BAIAP2L1: variants seen among roughly 807,000 people sequenced by gnomAD.
BAIAP2L1 encodes BAR/IMD domain containing adaptor protein 2 like 1.
Under a neutral mutation model 66.3 loss-of-function variants are expected in BAIAP2L1, and 35 were observed. That is an observed-to-expected ratio of 0.53 (90% CI 0.40 to 0.70). The LOEUF is 0.70. BAIAP2L1 is among the 30% of genes least tolerant of loss of function. The pLI, the probability that BAIAP2L1 is intolerant of heterozygous loss-of-function variation, is 0.00. For missense variants in BAIAP2L1, 622 were observed against 656.9 expected (o/e 0.95, Z 0.58); for synonymous variants, 269 against 248.7 (o/e 1.08, Z -0.77).
At chr7:98,353,355 T>TGTGTA (rs1562781395) in intron 3 of BAIAP2L1, among the ~76,000 whole-genome samples, 3 of 138,566 alleles carry the variant, frequency 2.2e-5, no homozygotes, top group Non-Finnish European at 3.0e-5. Flanking sequence ...ATTTATATAT[T>TGTGTA]TATATATATA....
intron 1 of BAIAP2L1, among the ~76,000 whole-genome samples, chr7:98,384,855 C>T (rs559645947): frequency 2.9e-4 from 44 of 152,126 alleles, no homozygotes; most frequent in South Asian, 1.0e-3. Context: ...CCCGCCACCA[C>T]GCCTGGGTAA....
intron 3 of BAIAP2L1, 23 bp from the exon 4 acceptor site, chr7:98,320,321 T>C: frequency 1.3e-6 from 2 of 1,545,854 alleles, no homozygotes; most frequent in South Asian, 2.4e-5. Context: ...CCAGATATGT[T>C]AGCGGGAAGC....
intron 1 of BAIAP2L1, among the ~76,000 whole-genome samples, chr7:98,366,146 C>T (rs776461838): frequency 3.7e-4 from 56 of 152,050 alleles, no homozygotes; most frequent in Non-Finnish European, 1.8e-4. Context: ...GGACAATCAT[C>T]GGATGGTCAG....
At chr7:98,399,790 G>C (rs1477926924) in intron 1 of BAIAP2L1, among the ~76,000 whole-genome samples, 2 of 152,176 alleles carry the variant, frequency 1.3e-5, no homozygotes, top group Admixed American at 1.3e-4. Context: ...CCTAATACAT[G>C]CAAGTTAAGA....
At chr7:98,359,209 G>T (rs887523874) in intron 2 of BAIAP2L1, among the ~76,000 whole-genome samples, 3 of 151,686 alleles carry the variant, frequency 2.0e-5, no homozygotes, top group African/African-American at 7.3e-5. Flanking sequence ...ACCCTATCCC[G>T]CCCACGCCCC....
rs143003685 is a variant in BAIAP2L1, at chr7:98,347,127, T to C, written c.214+7915A>G. 1.4e-4 allele frequency among the ~76,000 whole-genome samples: 21 copies of C among 152,292 alleles called. No individual in the cohort carries two copies. In the East Asian group the frequency reaches 4.1e-3, roughly 29 times the overall value. On this transcript the variant is annotated intron_variant, in intron 3 of 13. Coordinates refer to ENST00000005260, the MANE Select transcript of BAIAP2L1 (RefSeq NM_018842.5). ...GCTGATCCAAATTTGGCAAGGAGTA[T>C]GGCAATTTGCTAAAGCATAGAAAAG...
At chr7:98,362,656 C>T (rs1802297951) in intron 1 of BAIAP2L1, among the ~76,000 whole-genome samples, 1 of 152,056 alleles carries the variant, frequency 6.6e-6, no homozygotes. Flanking sequence ...TCTCAGTTGC[C>T]CAAGAGGCTG....
chr7:98,390,869 G>A (rs1041608252), intron 1 of BAIAP2L1, among the ~76,000 whole-genome samples: 1 of 152,022 alleles, frequency 6.6e-6, no homozygotes, highest in Non-Finnish European at 1.5e-5. Context: ...ACAGTCTCTC[G>A]CTCTGTTGCC....
intron 13 of BAIAP2L1, 52 bp downstream of exon 13, chr7:98,294,022 A>T: frequency 6.3e-7 from 1 of 1,595,318 alleles, no homozygotes; most frequent in Non-Finnish European, 8.6e-7. Flanking sequence ...GGGGGACACT[A>T]CAGGGAAGAG....
chr7:98,382,977 C>T (rs1244017466), intron 1 of BAIAP2L1, among the ~76,000 whole-genome samples: 3 of 151,946 alleles, frequency 2.0e-5, no homozygotes, highest in Non-Finnish European at 4.4e-5. Flanking sequence ...GCCTGACCAA[C>T]ATGGCGAAAC....
rs1801364818 is a variant in BAIAP2L1, at chr7:98,325,632, C to T, written c.215-5334G>A. Among the ~76,000 whole-genome samples, 4 of 152,030 alleles carry T rather than the reference C, an allele frequency of 2.6e-5. No homozygotes were observed. The South Asian group carries it at 8.3e-4, about 32-fold the overall frequency. ...GGCAGAGGTTGCAGTGAGCCAAGGT[C>T]GTGCTACTGCACTCCAGCCCGGGTG... is the stretch of plus-strand genomic sequence containing the variant. On this transcript the variant is annotated intron_variant, in intron 3 of 13. Coordinates refer to ENST00000005260, the MANE Select transcript of BAIAP2L1 (RefSeq NM_018842.5).
chr7:98,400,686 G>C, intron 1 of BAIAP2L1, 116 bp downstream of exon 1: 1 of 1,221,188 alleles, frequency 8.2e-7, no homozygotes, highest in Non-Finnish European at 1.2e-6. Context: ...GGGAGAGGTG[G>C]AAGGACGCGG....
At chr7:98,321,973 G>A (rs1016507258) in intron 3 of BAIAP2L1, among the ~76,000 whole-genome samples, 43 of 152,266 alleles carry the variant, frequency 2.8e-4, no homozygotes, top group African/African-American at 1.0e-3. Flanking sequence ...GCACGTGCCT[G>A]TAATCCCAGC....
intron 7 of BAIAP2L1, among the ~76,000 whole-genome samples, chr7:98,312,721 G>A (rs960974591): frequency 6.7e-5 from 10 of 149,912 alleles, no homozygotes; most frequent in African/African-American, 2.2e-4. Context: ...AAGTGAATCA[G>A]ACACTGTCCT....
At chr7:98,372,145 G>A (rs115798426) in intron 1 of BAIAP2L1, among the ~76,000 whole-genome samples, 3,003 of 151,852 alleles carry the variant, frequency 0.02, 106 homozygotes, top group African/African-American at 0.069. Flanking sequence ...GTTGGCTCAC[G>A]TCTGTAAGCC....
At chr7:98,339,624 C>T (rs1252813787) in intron 3 of BAIAP2L1, among the ~76,000 whole-genome samples, 4 of 152,206 alleles carry the variant, frequency 2.6e-5, no homozygotes, top group African/African-American at 4.8e-5. Flanking sequence ...TGATTCTAGC[C>T]GCATCCATCT....
intron 1 of BAIAP2L1, among the ~76,000 whole-genome samples, chr7:98,384,174 A>G (rs1165066855): frequency 6.6e-6 from 1 of 151,276 alleles, no homozygotes; most frequent in African/African-American, 2.4e-5. Context: ...AAAAAAAAAG[A>G]AAGAGCTCCA....
At chr7:98,359,925 AT>A (rs34672324) in intron 2 of BAIAP2L1, among the ~76,000 whole-genome samples, 30 of 141,148 alleles carry the variant, frequency 2.1e-4, no homozygotes, top group South Asian at 6.9e-4. Flanking sequence ...TGCCCAGCTA[AT>A]TTTTTTTTTT....
At chr7:98,394,531 T>G (rs1345678604) in intron 1 of BAIAP2L1, among the ~76,000 whole-genome samples, 1 of 152,118 alleles carries the variant, frequency 6.6e-6, no homozygotes, top group African/African-American at 2.4e-5. Flanking sequence ...ACTTTAAAAT[T>G]TTTTTGCACA....
Sources: allele counts gnomAD v4.1 joint callset (sites outside exome capture counted in the v4.1 genomes callset), GRCh38; gene constraint gnomAD v4.1.1; transcripts MANE v1.5; gene names NCBI Gene and HGNC (gene_info 2026-07-23, HGNC 2026-07-21).